Variants in DENND5A observed in about 807,000 individuals in gnomAD.
The protein encoded by DENND5A is DENN domain containing 5A, also known as DENN domain-containing protein 5A.
DENND5A carries 64 observed loss-of-function variants against 140.3 expected under a neutral mutation model. That is an observed-to-expected ratio of 0.46 (90% CI 0.37 to 0.56). DENND5A has a LOEUF of 0.56. Ranked by LOEUF, DENND5A falls within the 20% of genes least tolerant of loss-of-function variation. The pLI, the probability that DENND5A is intolerant of heterozygous loss-of-function variation, is 0.00. For synonymous variants in DENND5A, 605 were observed against 607.7 expected (o/e 1.00, Z 0.07); for missense variants, 1,292 against 1,593.8 (o/e 0.81, Z 3.22).
At chr11:9,222,192 G>A (rs1718208518) in intron 1 of DENND5A, among the ~76,000 whole-genome samples, 1 of 152,196 alleles carries the variant, frequency 6.6e-6, no homozygotes, top group African/African-American at 2.4e-5. Context: ...AATTATCAAT[G>A]CATGGCTAAT....
At chr11:9,174,966 T>C in intron 8 of DENND5A, among the ~76,000 whole-genome samples, 1 of 147,012 alleles carries the variant, frequency 6.8e-6, no homozygotes, top group East Asian at 2.0e-4. Context: ...AAAAAATAAA[T>C]AAATAAGAAG....
chr11:9,263,031 G>A (rs1285457586), intron 1 of DENND5A, among the ~76,000 whole-genome samples: 4 of 151,844 alleles, frequency 2.6e-5, no homozygotes, highest in East Asian at 3.9e-4. Context: ...GTGAGCCACC[G>A]CGCCCGGCCT....
At chr11:9,197,747 C>G (rs894256097) in intron 4 of DENND5A, among the ~76,000 whole-genome samples, 1 of 152,064 alleles carries the variant, frequency 6.6e-6, no homozygotes, top group Admixed American at 6.6e-5. Flanking sequence ...TATTTGTGCA[C>G]ATATTATTTA....
In DENND5A at chr11:9,245,877, G is replaced by A. The variant is rs567869391; in HGVS notation, c.109+19084C>T. Among the ~76,000 whole-genome samples the A allele has an allele frequency of 2.6e-5, 4 of 152,048 alleles. No individual in the cohort carries two copies. In the East Asian group the frequency reaches 5.9e-4, roughly 22 times the overall value. ...TCAAACTCCTGACCTCAGGTGATCC[G>A]CCTGCCTCAGCCTCACAAAGTGCTG... On this transcript the variant is annotated intron_variant, in intron 1 of 22. Transcript: ENST00000328194.
chr11:9,222,760 A>G (rs548620958), intron 1 of DENND5A, among the ~76,000 whole-genome samples: 1 of 152,350 alleles, frequency 6.6e-6, no homozygotes, highest in African/African-American at 2.4e-5. Context: ...TATAGGCTAG[A>G]TATCAACCCT....
chr11:9,145,763 C>T lies in DENND5A; in HGVS notation c.2910G>A (p.Met970Ile), dbSNP rs1186899461. 4 of 1,614,090 alleles carry T rather than the reference C, an allele frequency of 2.5e-6. No homozygotes were observed. The highest frequency in any genetic ancestry group is 1.1e-5 in the South Asian group (1 of 91,086). The change falls in exon 17 of 23, where the codon ATG (methionine) becomes ATA (isoleucine). Residue 970 changes from methionine (M) to isoleucine (I), a missense_variant. By Grantham distance (10) the Met-to-Ile change is conservative (BLOSUM62 1). Coordinates refer to ENST00000328194, the MANE Select transcript of DENND5A (RefSeq NM_015213.4). ...TACAGATCCATGGGTTGGCAGTGAACATGGAGCCCCCCAGCTTCTTGCTTG... is the reference window on the plus strand; with the variant it reads ...TACAGATCCATGGGTTGGCAGTGAATATGGAGCCCCCCAGCTTCTTGCTTG... ...IVPSKKLGGSMFTANPWICIS... is the reference protein window; with the variant it reads ...IVPSKKLGGSIFTANPWICIS...
In DENND5A at chr11:9,189,308, T is replaced by G. The variant is rs150694276; in HGVS notation, c.1137+4186A>C. Among the ~76,000 whole-genome samples, 443 of 152,326 alleles carry G rather than the reference T, an allele frequency of 2.9e-3. 2 individuals are homozygous for G. The highest frequency in any genetic ancestry group is 0.01 in the African/African-American group (421 of 41,570). ...ATACCTGGATGCCCAGAGAGAAGTTTGTTGCAGGGACAGGGCCCTCATGGA... is the reference window on the plus strand; with the variant it reads ...ATACCTGGATGCCCAGAGAGAAGTTGGTTGCAGGGACAGGGCCCTCATGGA... On this transcript the variant is annotated intron_variant, in intron 5 of 22. Transcript: ENST00000328194.
intron 1 of DENND5A, among the ~76,000 whole-genome samples, chr11:9,225,659 G>A (rs1850500979): frequency 6.6e-6 from 1 of 152,178 alleles, no homozygotes; most frequent in African/African-American, 2.4e-5. Flanking sequence ...CTACTCGGGT[G>A]GCTGAGGCAG....
At chr11:9,183,439 CT>C (rs149988674) in intron 5 of DENND5A, among the ~76,000 whole-genome samples, 2,218 of 144,216 alleles carry the variant, frequency 0.015, 17 homozygotes, top group Admixed American at 0.019. Flanking sequence ...AGGTTTTTAA[CT>C]TTTTTTTTTT....
At chr11:9,191,180 T>C (rs1006283674) in intron 5 of DENND5A, among the ~76,000 whole-genome samples, 6 of 151,836 alleles carry the variant, frequency 4.0e-5, no homozygotes, top group East Asian at 1.9e-4. Flanking sequence ...GAGGCTCCAA[T>C]AGCCCAGAAC....
At chr11:9,218,547 G>A (rs1268067712) in intron 1 of DENND5A, among the ~76,000 whole-genome samples, 2 of 152,014 alleles carry the variant, frequency 1.3e-5, no homozygotes, top group Admixed American at 6.6e-5. Flanking sequence ...GCAACATGGC[G>A]AAATCCTGTC....
chr11:9,199,051 C>T (rs1469895384), intron 4 of DENND5A, among the ~76,000 whole-genome samples: 2 of 78,354 alleles, frequency 2.6e-5, no homozygotes, highest in Admixed American at 3.7e-4. Context: ...GAGCAAACTC[C>T]GTCTCAAAAA....
At chr11:9,204,371 T>A (rs916099494) in intron 3 of DENND5A, 54 bp from the exon 4 acceptor site, 1 of 1,519,652 alleles carries the variant, frequency 6.6e-7, no homozygotes, top group Non-Finnish European at 8.9e-7. Flanking sequence ...GCGATCCTCT[T>A]TCAGAACACC....
chr11:9,242,550 G>C (rs776402771), intron 1 of DENND5A: 1 of 152,110 alleles, frequency 6.6e-6, no homozygotes, highest in Non-Finnish European at 1.5e-5. Flanking sequence ...GGGAGAACAG[G>C]CTTCCAATTC....
intron 1 of DENND5A, among the ~76,000 whole-genome samples, chr11:9,209,704 C>T (rs1007088355): frequency 6.6e-5 from 10 of 152,096 alleles, no homozygotes; most frequent in Admixed American, 4.6e-4. Context: ...TCATTTCAGC[C>T]GCTCTACAAA....
intron 15 of DENND5A, 148 bp from the exon 16 acceptor site, chr11:9,147,299 G>T: frequency 2.5e-6 from 2 of 785,962 alleles, no homozygotes; most frequent in East Asian, 2.7e-5. Flanking sequence ...AACAAAGCTA[G>T]CTACTCTAAC....
At chr11:9,142,944 C>G (rs182220497) in intron 20 of DENND5A, 99 bp from the exon 21 acceptor site, 1 of 1,494,700 alleles carries the variant, frequency 6.7e-7, no homozygotes, top group African/African-American at 1.4e-5. Context: ...GGGAGGGCTG[C>G]AAAAGACAGG....
chr11:9,141,825 C>T (rs2136109779), intron 22 of DENND5A, 115 bp downstream of exon 22: 1 of 937,954 alleles, frequency 1.1e-6, no homozygotes, highest in East Asian at 3.0e-5. Context: ...CCTTCTAAGG[C>T]CTCATCTCCC....
intron 10 of DENND5A, among the ~76,000 whole-genome samples, chr11:9,169,463 A>T (rs530527392): frequency 1.6e-4 from 24 of 151,058 alleles, no homozygotes; most frequent in South Asian, 8.4e-4. Context: ...AAAAAGAATT[A>T]AAAAAAATTA....
Sources: gnomAD v4.1 joint callset for allele counts (sites outside exome capture counted in the v4.1 genomes callset) on GRCh38, gnomAD v4.1.1 for gene constraint, MANE v1.5 for transcripts, NCBI Gene and HGNC (gene_info 2026-07-23, HGNC 2026-07-21) for gene names.